Variants in ME2 observed in about 807,000 individuals in gnomAD.
ME2 encodes the protein NAD-dependent malic enzyme, mitochondrial.
In ME2, 60 loss-of-function variants were observed where a neutral mutation model predicts 73.7. That is an observed-to-expected ratio of 0.81 (90% CI 0.66 to 1.01). The LOEUF is 1.01. Among genes scored for constraint, ME2 ranks in the 50% least tolerant of loss-of-function variants. The pLI is 0.00. For missense variants in ME2, 594 were observed against 705.5 expected (o/e 0.84, Z 1.79); for synonymous variants, 199 against 236.9 (o/e 0.84, Z 1.47).
At chr18:50,924,389 T>C (rs1917498970) in intron 11 of ME2, among the ~76,000 whole-genome samples, 177 bp downstream of exon 11, 1 of 152,224 alleles carries the variant, frequency 6.6e-6, no homozygotes, top group Admixed American at 6.5e-5. Context: ...CAGATGTTGC[T>C]TTATACTTTT....
At chr18:50,905,758 C>T (rs1917003897) in intron 2 of ME2, among the ~76,000 whole-genome samples, 1 of 152,070 alleles carries the variant, frequency 6.6e-6, no homozygotes, top group Non-Finnish European at 1.5e-5. Context: ...CTTTGGAGAC[C>T]AGAGTTTCTT....
At chr18:50,901,378 C>T (rs1376778978) in intron 2 of ME2, among the ~76,000 whole-genome samples, 1 of 152,090 alleles carries the variant, frequency 6.6e-6, no homozygotes, top group Non-Finnish European at 1.5e-5. Context: ...TTCTGTTACT[C>T]TCAGGATATG....
intron 7 of ME2, among the ~76,000 whole-genome samples, chr18:50,919,449 C>G (rs1917368640): frequency 6.6e-6 from 1 of 152,128 alleles, no homozygotes; most frequent in South Asian, 2.1e-4. Context: ...ATTGCCATCT[C>G]TCCTTCTTCC....
intron 12 of ME2, among the ~76,000 whole-genome samples, chr18:50,927,065 T>G (rs1256156327): frequency 6.6e-6 from 1 of 152,228 alleles, no homozygotes. Flanking sequence ...ATTCACTACT[T>G]TTAGATCTTT....
chr18:50,942,708 C>T (rs1172036494), intron 15 of ME2: 1 of 296,434 alleles, frequency 3.4e-6, no homozygotes. Flanking sequence ...AGTATCTTCT[C>T]ATTGATCATT....
In ME2 at chr18:50,947,475, T is replaced by G; in HGVS notation, c.*291T>G. 2 of 291,440 alleles carry G rather than the reference T, an allele frequency of 6.9e-6. No homozygotes were observed. Among genetic ancestry groups the G allele is most frequent in the Admixed American group, 4.9e-5 (1 of 20,588 alleles). The allele number at this position is 291,440 out of a possible 1,614,324, so 18.1% of individuals were successfully genotyped here. On this transcript the variant is annotated 3_prime_UTR_variant, in exon 16 of 16. Transcript: ENST00000321341. The stretch of plus-strand genomic sequence containing the variant: ...TGTTTGTGAATGTCTTCACTTGTAC[T>G]CTAATTCAGACTTGCCAAAGTATTT...
At chr18:50,934,363 C>T (rs73434489) in intron 13 of ME2, 5 of 152,142 alleles carry the variant, frequency 3.3e-5, no homozygotes, top group African/African-American at 1.2e-4. Context: ...TAAAAATGAC[C>T]TGGTCAGGCA....
At position 50,928,445 on chromosome 18, in the gene ME2, A is replaced by G. The variant is rs189792384; in HGVS notation, c.1314+2547A>G. 4.2e-3 allele frequency among the ~76,000 whole-genome samples: 630 copies of G among 150,688 alleles called. 1 individual carries two copies. The highest frequency in any genetic ancestry group is 7.0e-3 in the Non-Finnish European group (472 of 67,574). Reference sequence around the variant, plus strand: ...AGTAGATATGGGGTTTTACCATGTTAGCCAGGATGGTCTCGATTTCCTGAC... The same window carrying G: ...AGTAGATATGGGGTTTTACCATGTTGGCCAGGATGGTCTCGATTTCCTGAC... On this transcript the variant is annotated intron_variant, in intron 12 of 15. Transcript: ENST00000321341.
chr18:50,949,719 A>G lies in ME2; in HGVS notation c.*2535A>G, dbSNP rs1211357442. ...GCCTGGTACAGTCTTCATGGAAGTTATTAAGTATTTTAAGGAAAAAAATAG... is the reference window on the plus strand; with the variant it reads ...GCCTGGTACAGTCTTCATGGAAGTTGTTAAGTATTTTAAGGAAAAAAATAG... On this transcript the variant is annotated 3_prime_UTR_variant, in exon 16 of 16. Coordinates refer to ENST00000321341, the MANE Select transcript of ME2 (RefSeq NM_002396.5). 1 of 152,214 alleles carries G rather than the reference A, an allele frequency of 6.6e-6. No individual in the cohort carries two copies. The highest frequency in any genetic ancestry group is 2.4e-5 in the African/African-American group (1 of 41,450). 9.4% of individuals were successfully genotyped at this position (152,214 alleles called of 1,614,324 possible).
chr18:50,938,863 G>A (rs191122578), intron 13 of ME2, among the ~76,000 whole-genome samples: 49 of 152,024 alleles, frequency 3.2e-4, no homozygotes, highest in African/African-American at 1.2e-3. Flanking sequence ...AGAGTTCAAG[G>A]GTGAAATAAC....
chr18:50,915,959 A>G (rs1405390935), intron 4 of ME2: 1 of 431,764 alleles, frequency 2.3e-6, no homozygotes, highest in African/African-American at 2.1e-5. Context: ...TCATTTAACA[A>G]TAATCTTTGT....
chr18:50,905,923 G>C (rs1424125653), intron 2 of ME2, among the ~76,000 whole-genome samples: 1 of 152,152 alleles, frequency 6.6e-6, no homozygotes, highest in Admixed American at 6.5e-5. Context: ...AGCCTTTTCA[G>C]GTTAAATGTT....
chr18:50,898,999 C>G (rs1916821261), intron 2 of ME2, among the ~76,000 whole-genome samples: 1 of 152,228 alleles, frequency 6.6e-6, no homozygotes, highest in Non-Finnish European at 1.5e-5. Flanking sequence ...AAATTCAGCT[C>G]TGCATCCTTT....
rs1342888759 is a variant in ME2, at chr18:50,948,527, A to G, written c.*1343A>G. ...TCATTTTTTTCATCTTCTGCCTATG[A>G]ATACAAATTGATTCTTTTTTTTTTT... On this transcript the variant is annotated 3_prime_UTR_variant, in exon 16 of 16. Coordinates refer to ENST00000321341, the MANE Select transcript of ME2 (RefSeq NM_002396.5). The G allele has an allele frequency of 6.6e-6, 1 of 151,598 alleles. No individual in the cohort carries two copies. The highest frequency in any genetic ancestry group is 1.5e-5 in the Non-Finnish European group (1 of 68,062). The allele number at this position is 151,598 out of a possible 1,614,324, so 9.4% of individuals were successfully genotyped here. A position where few individuals can be genotyped will look rare whatever the true frequency, so the allele number is the denominator to read the frequency against.
Position 50,893,124 on chromosome 18 carries a change from C to CAA in ME2, c.-12-2658_-12-2657dup, listed in dbSNP as rs56104427. 8.2e-4 allele frequency among the ~76,000 whole-genome samples: 64 copies of CAA among 78,088 alleles called. 1 individual carries two copies. Among genetic ancestry groups the CAA allele is most frequent in the East Asian group, 2.6e-3 (7 of 2,736 alleles). 51.2% of individuals were successfully genotyped at this position (78,088 alleles called of 152,430 possible). The stretch of plus-strand genomic sequence containing the variant: ...TGGGCAACTGGGTAAGACTCTATCT[C>CAA]AAAAAAAAAAAAAAAAAAAAAAAAA... On this transcript the variant is annotated intron_variant, in intron 1 of 15. Transcript: ENST00000321341.
intron 13 of ME2, among the ~76,000 whole-genome samples, chr18:50,938,961 A>G (rs73434493): frequency 0.056 from 8,539 of 152,164 alleles, 336 homozygotes; most frequent in African/African-American, 0.11. Flanking sequence ...AGGAAAAGTA[A>G]CCATGATATA....
chr18:50,922,246 T>C (rs564282163), intron 10 of ME2, among the ~76,000 whole-genome samples: 1 of 152,394 alleles, frequency 6.6e-6, no homozygotes, highest in South Asian at 2.1e-4. Flanking sequence ...GACATTGTTA[T>C]AAGACTTTAC....
At chr18:50,907,600 C>T (rs1407884653) in intron 2 of ME2, among the ~76,000 whole-genome samples, 2 of 152,128 alleles carry the variant, frequency 1.3e-5, no homozygotes, top group Non-Finnish European at 2.9e-5. Flanking sequence ...TTTCTTCTAT[C>T]CCCTTTTAAT....
rs775067287 is a variant in ME2, at chr18:50,924,196, G to A, written c.1155G>A (p.Lys385=). The A allele has an allele frequency of 1.2e-6, 2 of 1,607,656 alleles. No individual in the cohort carries two copies. Among genetic ancestry groups the A allele is most frequent in the Non-Finnish European group, 1.7e-6 (2 of 1,176,214 alleles). ...DTFEDAVNIL[K]PSTIIGVAGA... is the part of the protein sequence containing the mutation. ...TTGAAGATGCAGTGAATATACTGAA[G>A]CCTTCAACTATAATTGGTAGGTAAA... Residue 385 remains lysine (K), a synonymous_variant, in exon 11 of 16, where the codon AAG becomes AAA. Coordinates refer to ENST00000321341, the MANE Select transcript of ME2 (RefSeq NM_002396.5).
Sources: gnomAD v4.1 joint callset for allele counts (sites outside exome capture counted in the v4.1 genomes callset) on GRCh38, gnomAD v4.1.1 for gene constraint, MANE v1.5 for transcripts, NCBI Gene and HGNC (gene_info 2026-07-23, HGNC 2026-07-21) for gene names.